Variants in NEK10 observed in about 807,000 individuals in gnomAD.
NEK10 encodes NIMA related kinase 10.
NEK10 carries 122 observed loss-of-function variants against 159.8 expected under a neutral mutation model. The ratio of observed to expected loss-of-function variants is 0.76; its 90% CI spans 0.66 to 0.89. The LOEUF is 0.89. NEK10 is among the 40% of genes least tolerant of loss of function. The probability of loss-of-function intolerance (pLI) is 0.00; values close to 1 mark genes in which losing one functional copy is unlikely to be tolerated. For synonymous variants in NEK10, 466 were observed against 457.1 expected (o/e 1.02, Z -0.25); for missense variants, 1,342 against 1,323.1 (o/e 1.01, Z -0.22).
chr3:27,335,411 G>C (rs2046731435), intron 5 of NEK10, among the ~76,000 whole-genome samples: 1 of 151,436 alleles, frequency 6.6e-6, no homozygotes, highest in Non-Finnish European at 1.5e-5. Context: ...TAATAGCGAG[G>C]GACTTTAAAA....
At chr3:27,120,390 C>G (rs1483280859) in intron 32 of NEK10, among the ~76,000 whole-genome samples, 1 of 151,416 alleles carries the variant, frequency 6.6e-6, no homozygotes, top group Non-Finnish European at 1.5e-5. Context: ...GTGGCACAAT[C>G]TCGGCTCACT....
intron 26 of NEK10, among the ~76,000 whole-genome samples, chr3:27,177,602 A>C (rs1159086647): frequency 6.8e-6 from 1 of 148,100 alleles, no homozygotes; most frequent in Non-Finnish European, 1.5e-5. Flanking sequence ...TTTTTGCTTC[A>C]AAAAAAAATT....
chr3:27,330,816 T>C (rs1288543191), intron 5 of NEK10, among the ~76,000 whole-genome samples: 1 of 152,098 alleles, frequency 6.6e-6, no homozygotes, highest in Non-Finnish European at 1.5e-5. Flanking sequence ...AATTTCACTC[T>C]GACCTCAATG....
intron 31 of NEK10, among the ~76,000 whole-genome samples, chr3:27,132,279 A>G (rs1433996026): frequency 6.6e-6 from 1 of 152,184 alleles, no homozygotes; most frequent in East Asian, 1.9e-4. Flanking sequence ...TTGCACACAT[A>G]TACTGAATTT....
chr3:27,316,656 G>C (rs975979835), intron 6 of NEK10, among the ~76,000 whole-genome samples: 1 of 152,078 alleles, frequency 6.6e-6, no homozygotes, highest in African/African-American at 2.4e-5. Flanking sequence ...TTAAATGTTT[G>C]CCATGACAAT....
chr3:27,326,126 C>T (rs1814669), intron 5 of NEK10, among the ~76,000 whole-genome samples: 150,579 of 152,346 alleles, frequency 0.99, 74,416 homozygotes, highest in East Asian at 1. Context: ...ACATTTTGAA[C>T]TCAAAATGAT....
rs1257902009 is a variant in NEK10 at position 27,109,611 on chromosome 3, G to A, written c.*1661C>T. Among the ~76,000 whole-genome samples, 1 of 152,040 alleles carries A rather than the reference G, an allele frequency of 6.6e-6. No homozygotes were observed. The highest frequency in any genetic ancestry group is 2.4e-5 in the African/African-American group (1 of 41,394). On this transcript the variant is annotated 3_prime_UTR_variant, in exon 36 of 36. Coordinates refer to ENST00000691995, the MANE Select transcript of NEK10 (RefSeq NM_001394966.1). ...ACAATTAGAATTTGTGCCCCTCCAG[G>A]TCTGTGCTTCCTGCATGAAGAAGAA...
rs140511972 is a variant in NEK10, at chr3:27,111,627, C to T, written c.3300-307G>A. 8.7e-3 allele frequency among the ~76,000 whole-genome samples: 1,325 copies of T among 152,164 alleles called. 18 individuals are homozygous for T. The highest frequency in any genetic ancestry group is 0.03 in the African/African-American group (1,237 of 41,498). On this transcript the variant is annotated intron_variant, in intron 35 of 35. Coordinates refer to ENST00000691995, the MANE Select transcript of NEK10 (RefSeq NM_001394966.1). The stretch of plus-strand genomic sequence containing the variant: ...TGTAGGTTAAAATAACTAATTTACA[C>T]GCTTATCAGTCAATTGGGGAAATAA...
chr3:27,135,300 T>C (rs1943074230), intron 31 of NEK10, among the ~76,000 whole-genome samples: 1 of 152,144 alleles, frequency 6.6e-6, no homozygotes. Context: ...CTTTATTTCA[T>C]TTGAGGCAAG....
chr3:27,352,508 T>C lies in NEK10; in HGVS notation c.89A>G (p.Lys30Arg). 1.2e-6 allele frequency: 2 copies of C among 1,610,568 alleles called. No individual in the cohort carries two copies. Among genetic ancestry groups the C allele is most frequent in the Non-Finnish European group, 1.7e-6 (2 of 1,176,970 alleles). The change falls in exon 3 of 36, where the codon AAA becomes AGA. Residue 30 changes from lysine to arginine, a missense_variant. Physicochemically the swap from Lys to Arg is conservative, Grantham distance 26 (BLOSUM62 2). Transcript: ENST00000691995. The part of the protein sequence containing the change: ...EITIRDYSDL[K>R]RLRCLLNVQS... Reference sequence around the variant, plus strand: ...GACGTTCAAAAGGCACCGAAGTCTTTTAAGATCTGAATAGTCCCTAGGAGA... The same window carrying C: ...GACGTTCAAAAGGCACCGAAGTCTTCTAAGATCTGAATAGTCCCTAGGAGA...
At chr3:27,357,194 A>G (rs959141798) in intron 1 of NEK10, among the ~76,000 whole-genome samples, 76 of 152,154 alleles carry the variant, frequency 5.0e-4, no homozygotes, top group Non-Finnish European at 1.6e-4. Context: ...TTGCCTTATT[A>G]CCACAGAAGG....
intron 29 of NEK10, among the ~76,000 whole-genome samples, chr3:27,171,468 C>A (rs1191842111): frequency 6.6e-6 from 1 of 152,038 alleles, no homozygotes; most frequent in Non-Finnish European, 1.5e-5. Context: ...AAAGATGAAA[C>A]CTATACCCTG....
intron 15 of NEK10, among the ~76,000 whole-genome samples, chr3:27,294,614 TGCA>T (rs1290114151): frequency 6.6e-6 from 1 of 152,194 alleles, no homozygotes; most frequent in Non-Finnish European, 1.5e-5. Context: ...GTCCCATGCC[TGCA>T]CCTTCCCGTT....
At chr3:27,333,407 G>A (rs1409218983) in intron 5 of NEK10, among the ~76,000 whole-genome samples, 1 of 152,024 alleles carries the variant, frequency 6.6e-6, no homozygotes, top group East Asian at 1.9e-4. Context: ...TTAGCCCAGT[G>A]TGGTGGCAGG....
intron 30 of NEK10, among the ~76,000 whole-genome samples, chr3:27,147,804 C>T (rs1944446856): frequency 6.6e-6 from 1 of 152,234 alleles, no homozygotes; most frequent in African/African-American, 2.4e-5. Flanking sequence ...CATTTTATTG[C>T]CCTATAGAAG....
intron 23 of NEK10, among the ~76,000 whole-genome samples, chr3:27,202,828 G>T (rs1028481868): frequency 2.0e-5 from 3 of 152,118 alleles, no homozygotes; most frequent in African/African-American, 7.2e-5. Flanking sequence ...TCCAGAAAGA[G>T]CAAGCCCACT....
intron 3 of NEK10, among the ~76,000 whole-genome samples, chr3:27,350,873 C>T (rs1394390820): frequency 6.6e-6 from 1 of 151,880 alleles, no homozygotes; most frequent in African/African-American, 2.4e-5. Context: ...TTGTTTTTTG[C>T]CCTGGCTAGG....
At chr3:27,139,982 A>G (rs1943623470) in intron 31 of NEK10, among the ~76,000 whole-genome samples, 1 of 152,214 alleles carries the variant, frequency 6.6e-6, no homozygotes, top group South Asian at 2.1e-4. Flanking sequence ...ATTTCAATGT[A>G]TCCAGTTGTC....
intron 23 of NEK10, among the ~76,000 whole-genome samples, chr3:27,243,425 T>C (rs1257943371): frequency 6.6e-6 from 1 of 152,066 alleles, no homozygotes; most frequent in Non-Finnish European, 1.5e-5. Flanking sequence ...ATATGGTAAT[T>C]TCACTTTCAT....
Sources: allele counts gnomAD v4.1 joint callset (sites outside exome capture counted in the v4.1 genomes callset), GRCh38; gene constraint gnomAD v4.1.1; transcripts MANE v1.5; gene names NCBI Gene and HGNC (gene_info 2026-07-23, HGNC 2026-07-21).